Variants in CTTNBP2 observed in about 807,000 individuals in gnomAD.
CTTNBP2 encodes cortactin-binding protein 2.
A neutral mutation model predicts 156.9 loss-of-function variants in CTTNBP2; 108 were observed. The observed-to-expected ratio is 0.69, with a 90% CI of 0.59 to 0.81. CTTNBP2 has a LOEUF of 0.81. Among genes scored for constraint, CTTNBP2 ranks in the 30% least tolerant of loss-of-function variants. CTTNBP2 has a pLI of 0.00. For missense variants in CTTNBP2, 1,924 were observed against 2,035.4 expected, an observed-to-expected ratio of 0.95 and a Z score of 1.05; for synonymous variants, 767 against 751.8, an observed-to-expected ratio of 1.02 and a Z score of -0.33.
At position 117,735,319 on chromosome 7, in the gene CTTNBP2, A is replaced by C; in HGVS notation, c.3638T>G (p.Leu1213Trp). ...SSLSELLRDFLAPLENRSTES... is the reference protein window; with the variant it reads ...SSLSELLRDFWAPLENRSTES... ...AGTGCTGCGATTTTCAAGAGGTGCCAAAAAGTCCCTCAATAACTCCGACAG... is the reference window on the plus strand; with the variant it reads ...AGTGCTGCGATTTTCAAGAGGTGCCCAAAAGTCCCTCAATAACTCCGACAG... Residue 1213 changes from leucine (L) to tryptophan (W), a missense_variant, in exon 15 of 23, where the codon TTG becomes TGG. Physicochemically the swap from Leu to Trp is moderately conservative, Grantham distance 61. Coordinates refer to ENST00000160373, the MANE Select transcript of CTTNBP2 (RefSeq NM_033427.3). The C allele has an allele frequency of 1.2e-6, 2 of 1,613,922 alleles. No homozygotes were observed.
At chr7:117,840,263 T>C (rs1287870858) in intron 2 of CTTNBP2, among the ~76,000 whole-genome samples, 8 of 151,914 alleles carry the variant, frequency 5.3e-5, no homozygotes, top group African/African-American at 1.7e-4. Context: ...TAACAACCAA[T>C]AGTCCTGTCC....
chr7:117,755,436 A>G (rs1286556696), intron 12 of CTTNBP2: 3 of 350,470 alleles, frequency 8.6e-6, no homozygotes, highest in East Asian at 2.0e-4. Context: ...AGCAAGCAAA[A>G]TTATGTTTAA....
chr7:117,717,154 T>TATTA (rs1292786249), intron 22 of CTTNBP2, among the ~76,000 whole-genome samples: 3 of 152,208 alleles, frequency 2.0e-5, no homozygotes, highest in African/African-American at 7.2e-5. Flanking sequence ...TCTTGCCATT[T>TATTA]ATTAACCAAC....
intron 2 of CTTNBP2, among the ~76,000 whole-genome samples, chr7:117,850,371 A>G (rs556853195): frequency 6.6e-6 from 1 of 152,354 alleles, no homozygotes; most frequent in South Asian, 2.1e-4. Flanking sequence ...AACAAAACAA[A>G]CAAACCACCT....
Position 117,799,399 on chromosome 7 carries a change from G to T in CTTNBP2, c.415-6618C>A, listed in dbSNP as rs1311131624. Among the ~76,000 whole-genome samples the T allele has an allele frequency of 1.1e-4, 16 of 151,684 alleles. No homozygotes were observed. The South Asian group carries it at 3.3e-3, about 32-fold the overall frequency. ...TAACTCAATATATTAAAAGATAAAA[G>T]AGAAACACCAGGATTATGTCAACAA... On this transcript the variant is annotated intron_variant, in intron 3 of 22. Coordinates refer to ENST00000160373, the MANE Select transcript of CTTNBP2 (RefSeq NM_033427.3).
At chr7:117,860,529 G>A (rs1417147461) in intron 2 of CTTNBP2, among the ~76,000 whole-genome samples, 1 of 152,024 alleles carries the variant, frequency 6.6e-6, no homozygotes, top group Admixed American at 6.6e-5. Flanking sequence ...TTTTTTAGTA[G>A]AGAAGGGGTT....
intron 10 of CTTNBP2, among the ~76,000 whole-genome samples, chr7:117,759,778 A>G (rs187840730): frequency 1.8e-4 from 28 of 152,336 alleles, no homozygotes; most frequent in African/African-American, 6.7e-4. Flanking sequence ...AGCACCCAAT[A>G]CAGTCCTTGC....
chr7:117,734,988 C>G lies in CTTNBP2; in HGVS notation c.3801G>C (p.Trp1267Cys), dbSNP rs1457512928. The G allele has an allele frequency of 1.2e-6, 2 of 1,614,032 alleles. No individual in the cohort carries two copies. Among genetic ancestry groups the G allele is most frequent in the Non-Finnish European group, 1.7e-6 (2 of 1,179,996 alleles). ...SDLLVQQHFR[W>C]VQLRWDGEPM... ...GCTCGCCATCCCACCGCAGCTGCAC[C>G]CAGCGGAAATGCTGCTGCACCAGCA... Residue 1267 changes from tryptophan (W) to cysteine (C), a missense_variant, in exon 16 of 23, where the codon TGG becomes TGC. Physicochemically the swap from Trp to Cys is radical, Grantham distance 215 (BLOSUM62 -2). Transcript: ENST00000160373.
At chr7:117,801,542 G>A (rs1447587926) in intron 3 of CTTNBP2, among the ~76,000 whole-genome samples, 2 of 152,086 alleles carry the variant, frequency 1.3e-5, no homozygotes, top group African/African-American at 4.8e-5. Context: ...AACAACTGGG[G>A]GGAAATGAAT....
At position 117,760,541 on chromosome 7, in the gene CTTNBP2, C is replaced by T; in HGVS notation, c.3066G>A (p.Gln1022=). Residue 1022 remains glutamine, a synonymous_variant, in exon 10 of 23, where the codon CAG becomes CAA. Transcript: ENST00000160373. ...TCCACCATCCATCAGAAGAGATTGC[C>T]TGGAAATGATTTGTCAGAGCTTGAC... ...AVSQALTNHF[Q]AISSDGWWSL... 6.2e-7 allele frequency: 1 copy of T among 1,614,122 alleles called. No homozygotes were observed. Among genetic ancestry groups the T allele is most frequent in the East Asian group, 2.2e-5 (1 of 44,890 alleles).
At chr7:117,759,043 G>A (rs1318573405) in intron 10 of CTTNBP2, among the ~76,000 whole-genome samples, 1 of 152,126 alleles carries the variant, frequency 6.6e-6, no homozygotes, top group East Asian at 1.9e-4. Context: ...AATACTCCAT[G>A]TGTGGACAAA....
At chr7:117,823,360 T>C (rs1801081972) in intron 2 of CTTNBP2, among the ~76,000 whole-genome samples, 1 of 152,190 alleles carries the variant, frequency 6.6e-6, no homozygotes, top group East Asian at 1.9e-4. Flanking sequence ...AATTAAGTCT[T>C]GTGGTTGAAA....
chr7:117,843,874 TG>T (rs1349394336), intron 2 of CTTNBP2, among the ~76,000 whole-genome samples: 16 of 152,206 alleles, frequency 1.1e-4, no homozygotes, highest in African/African-American at 3.1e-4. Context: ...CTCCGGGACC[TG>T]TGAATATGTT....
intron 6 of CTTNBP2, 131 bp from the exon 7 acceptor site, chr7:117,780,722 T>C: frequency 2.2e-6 from 1 of 450,988 alleles, no homozygotes. Flanking sequence ...TCTATTTACA[T>C]ATATCAATTA....
intron 12 of CTTNBP2, among the ~76,000 whole-genome samples, chr7:117,754,843 T>G (rs1796801268): frequency 6.6e-6 from 1 of 152,240 alleles, no homozygotes; most frequent in Non-Finnish European, 1.5e-5. Context: ...TAAGTGTACT[T>G]GGAATATTTT....
Position 117,760,432 on chromosome 7 carries a change from T to C in CTTNBP2, c.3172+3A>G. ...TTTCTCTCCGTCATAGGACTGCTGA[T>C]ACCTAGCGTGATGGATCGTATGCTT... On this transcript the variant is annotated splice_donor_region_variant and intron_variant, in intron 10 of 22. Transcript: ENST00000160373. 6.2e-7 allele frequency: 1 copy of C among 1,613,242 alleles called. No homozygotes were observed. The highest frequency in any genetic ancestry group is 8.5e-7 in the Non-Finnish European group (1 of 1,179,212).
At chr7:117,720,247 T>C (rs2116378745) in intron 20 of CTTNBP2, among the ~76,000 whole-genome samples, 1 of 152,294 alleles carries the variant, frequency 6.6e-6, no homozygotes, top group Middle Eastern at 3.4e-3. Flanking sequence ...ATCCTAAATG[T>C]TACATGCCAA....
intron 7 of CTTNBP2, among the ~76,000 whole-genome samples, chr7:117,779,173 T>C (rs1412819558): frequency 2.6e-5 from 4 of 152,200 alleles, no homozygotes; most frequent in African/African-American, 9.6e-5. Flanking sequence ...TGTTCTTCAC[T>C]GGGTTGTGGA....
In CTTNBP2 at chr7:117,718,584, T is replaced by A. The variant is rs1020258848; in HGVS notation, c.4645-465A>T. Among the ~76,000 whole-genome samples the A allele has an allele frequency of 2.0e-5, 3 of 152,200 alleles. No homozygotes were observed. The East Asian group carries it at 5.8e-4, about 29-fold the overall frequency. On this transcript the variant is annotated intron_variant, in intron 21 of 22. Transcript: ENST00000160373. ...GTTACAGCCACTCATAAGGCATCTATCAAGGCAGCTCGGTGAAACCTGCTG... is the reference window on the plus strand; with the variant it reads ...GTTACAGCCACTCATAAGGCATCTAACAAGGCAGCTCGGTGAAACCTGCTG...
Sources: allele counts gnomAD v4.1 joint callset (sites outside exome capture counted in the v4.1 genomes callset), GRCh38; gene constraint gnomAD v4.1.1; transcripts MANE v1.5; gene names NCBI Gene and HGNC (gene_info 2026-07-23, HGNC 2026-07-21).